Variants in TTYH3 observed in about 807,000 individuals in gnomAD.
TTYH3 encodes the protein tweety family member 3, also known as protein tweety homolog 3.
A neutral mutation model predicts 68.2 loss-of-function variants in TTYH3; 23 were observed. The observed-to-expected ratio is 0.34, with a 90% confidence interval of 0.24 to 0.48. TTYH3 has a LOEUF of 0.48. Among genes scored for constraint, TTYH3 ranks in the 20% least tolerant of loss-of-function variants. The probability of loss-of-function intolerance (pLI) is 0.99; values close to 1 mark genes in which losing one functional copy is unlikely to be tolerated. For missense variants in TTYH3, 768 were observed against 727.7 expected (o/e 1.06, Z -0.64); for synonymous variants, 360 against 332.8 (o/e 1.08, Z -0.89).
In TTYH3 at chr7:2,661,822, G is replaced by T; in HGVS notation, c.*83G>T. 1 of 1,450,052 alleles carries T rather than the reference G, an allele frequency of 6.9e-7. No homozygotes were observed. The highest frequency in any genetic ancestry group is 1.2e-5 in the South Asian group (1 of 82,628). The allele number at this position is 1,450,052 out of a possible 1,614,324, so 89.8% of individuals were successfully genotyped here. The stretch of plus-strand genomic sequence containing the variant: ...GCCGCTTCCACCTGGGCCACCCACC[G>T]GACCCTCGCACGCCGTGCCAGGCCT... On this transcript the variant is annotated 3_prime_UTR_variant, in exon 14 of 14. Transcript: ENST00000258796.
chr7:2,663,883 AGGGGTTCAAACCCCACC>A lies in TTYH3; in HGVS notation c.*2145_*2161del, dbSNP rs1451864320. 1 of 152,528 alleles carries A rather than the reference AGGGGTTCAAACCCCACC, an allele frequency of 6.6e-6. No homozygotes were observed. Among genetic ancestry groups the A allele is most frequent in the Admixed American group, 6.5e-5 (1 of 15,286 alleles). 9.4% of individuals were successfully genotyped at this position (152,528 alleles called of 1,614,324 possible). A position where few individuals can be genotyped will look rare whatever the true frequency, so the allele number is the denominator to read the frequency against. On this transcript the variant is annotated 3_prime_UTR_variant, in exon 14 of 14. Coordinates refer to ENST00000258796, the MANE Select transcript of TTYH3 (RefSeq NM_025250.3). ...AAGAAAGGAAACGGGGAAAATCAAAAGGGGTTCAAACCCCACCTCAGTAGGTGGAGGGGAGCGCCTGC... is the reference window on the plus strand; with the variant it reads ...AAGAAAGGAAACGGGGAAAATCAAAATCAGTAGGTGGAGGGGAGCGCCTGC...
At chr7:2,642,721 C>G (rs1785881072) in intron 1 of TTYH3, among the ~76,000 whole-genome samples, 1 of 149,648 alleles carries the variant, frequency 6.7e-6, no homozygotes, top group Non-Finnish European at 1.5e-5. Context: ...GAGCAAGACC[C>G]TGTCTCTAAA....
At position 2,660,575 on chromosome 7, in the gene TTYH3, C is replaced by G. The variant is rs567150489; in HGVS notation, c.1501-1093C>G. On this transcript the variant is annotated intron_variant, in intron 13 of 13. Coordinates refer to ENST00000258796, the MANE Select transcript of TTYH3 (RefSeq NM_025250.3). ...GTCCAGTCCCGCCCCGTCCCGCCCC[C>G]ATCCCCTCCCCTTGTGCTGCATGTC... 6.2e-5 allele frequency: 61 copies of G among 982,008 alleles called. No homozygotes were observed. The South Asian group carries it at 1.9e-3, about 31-fold the overall frequency. 60.8% of individuals were successfully genotyped at this position (982,008 alleles called of 1,614,324 possible).
intron 11 of TTYH3, among the ~76,000 whole-genome samples, chr7:2,657,966 C>T (rs959531107): frequency 3.3e-5 from 5 of 152,210 alleles, no homozygotes; most frequent in African/African-American, 9.6e-5. Flanking sequence ...CTTCAAGAGG[C>T]ACCCTGGCCT....
rs1305260828 is a variant in TTYH3, at chr7:2,647,525, G to A, written c.513G>A (p.Leu171=). Reference sequence around the variant, plus strand: ...AGCCCCTGCGAGCCGTACAGAGGCTGCAGGGCCTGCTGGAGACGCTGCTGG... The same window carrying A: ...AGCCCCTGCGAGCCGTACAGAGGCTACAGGGCCTGCTGGAGACGCTGCTGG... ...RPEPLRAVQR[L]QGLLETLLGY... Residue 171 remains leucine, a synonymous_variant, in exon 4 of 14, where the codon CTG becomes CTA. Transcript: ENST00000258796. 1.3e-6 allele frequency: 2 copies of A among 1,548,920 alleles called. No individual in the cohort carries two copies. Among genetic ancestry groups the A allele is most frequent in the African/African-American group, 2.7e-5 (2 of 73,158 alleles).
At chr7:2,632,316 C>T (rs1785543839) in intron 1 of TTYH3, 38 bp downstream of exon 1, 2 of 1,523,002 alleles carry the variant, frequency 1.3e-6, no homozygotes, top group East Asian at 2.4e-5. Flanking sequence ...GTCAGGGACC[C>T]CAGGTCACGG....
chr7:2,656,575 A>C, intron 11 of TTYH3, 41 bp downstream of exon 11: 2 of 1,584,634 alleles, frequency 1.3e-6, no homozygotes, highest in East Asian at 4.5e-5. Flanking sequence ...GCCCCAGGCC[A>C]CATGGCATGC....
At chr7:2,638,063 T>G (rs960918629) in intron 1 of TTYH3, among the ~76,000 whole-genome samples, 1 of 152,068 alleles carries the variant, frequency 6.6e-6, no homozygotes, top group Non-Finnish European at 1.5e-5. Context: ...ACTCCTGAAG[T>G]TCTGGGGTGC....
intron 12 of TTYH3, 123 bp downstream of exon 12, chr7:2,658,582 C>T: frequency 1.6e-6 from 2 of 1,281,906 alleles, no homozygotes; most frequent in Non-Finnish European, 2.1e-6. Context: ...GCTGGGCAGC[C>T]CTGGCCTTGA....
chr7:2,661,076 AGG>A (rs201941606), intron 13 of TTYH3, among the ~76,000 whole-genome samples: 1 of 876 alleles, frequency 1.1e-3, no homozygotes, highest in East Asian at 0.056. Flanking sequence ...CCCCCACGGG[AGG>A]GGGGGCTGCA....
At chr7:2,659,190 A>T (rs1786423407) in intron 13 of TTYH3, among the ~76,000 whole-genome samples, 175 bp downstream of exon 13, 1 of 152,086 alleles carries the variant, frequency 6.6e-6, no homozygotes, top group Non-Finnish European at 1.5e-5. Context: ...TCTCTGCAGG[A>T]CGCCTGACCT....
intron 9 of TTYH3, among the ~76,000 whole-genome samples, 191 bp from the exon 10 acceptor site, chr7:2,655,901 C>T (rs1015409318): frequency 2.0e-5 from 3 of 152,112 alleles, no homozygotes; most frequent in Non-Finnish European, 4.4e-5. Context: ...TGAGGAGGGG[C>T]CTGGGGTCAC....
At chr7:2,653,047 G>T (rs561980013) in intron 9 of TTYH3, 37 bp downstream of exon 9, 2 of 1,528,392 alleles carry the variant, frequency 1.3e-6, no homozygotes, top group South Asian at 1.2e-5. Context: ...GGCAGGCAGG[G>T]CTCCTCTTTT....
chr7:2,643,995 G>T (rs913243725), intron 1 of TTYH3, among the ~76,000 whole-genome samples: 7 of 152,172 alleles, frequency 4.6e-5, no homozygotes, highest in Admixed American at 1.3e-4. Flanking sequence ...GGTGACTCCA[G>T]CCAGGGACTG....
chr7:2,653,085 A>G, intron 9 of TTYH3, 75 bp downstream of exon 9: 1 of 1,410,772 alleles, frequency 7.1e-7, no homozygotes, highest in South Asian at 1.3e-5. Context: ...TTGTGGTGCA[A>G]ACACAGCTCA....
At position 2,645,366 on chromosome 7, in the gene TTYH3, C is replaced by T. The variant is rs1785952505; in HGVS notation, c.124-1487C>T. Among the ~76,000 whole-genome samples, 1 of 152,222 alleles carries T rather than the reference C, an allele frequency of 6.6e-6. No homozygotes were observed. Among genetic ancestry groups the T allele is most frequent in the South Asian group, 2.1e-4 (1 of 4,824 alleles). ...AATGGGGTGAGAGCACTCGGCCAGG[C>T]AGATCGAATGCAGTGCCAGGAGAAG... On this transcript the variant is annotated intron_variant, in intron 1 of 13. Coordinates refer to ENST00000258796, the MANE Select transcript of TTYH3 (RefSeq NM_025250.3). This position sits in a 1 kb window ranked among gnomAD's most constrained non-coding sequence, Gnocchi z 4.8.
rs541794435 is a variant in TTYH3, at chr7:2,662,250, C to G, written c.*511C>G. 4.8e-6 allele frequency: 1 copy of G among 207,228 alleles called. No individual in the cohort carries two copies. The highest frequency in any genetic ancestry group is 5.4e-5 in the Admixed American group (1 of 18,376). 12.8% of individuals were successfully genotyped at this position (207,228 alleles called of 1,614,324 possible). On this transcript the variant is annotated 3_prime_UTR_variant, in exon 14 of 14. Coordinates refer to ENST00000258796, the MANE Select transcript of TTYH3 (RefSeq NM_025250.3). ...GTCACCCCGTGGTCCCTCCACGTGC[C>G]CATCTCTCTGCAGTGCCCTCCTCGC...
chr7:2,632,332 T>G (rs1785544912), intron 1 of TTYH3, 54 bp downstream of exon 1: 1 of 1,471,512 alleles, frequency 6.8e-7, no homozygotes. Flanking sequence ...CACGGCCCCC[T>G]CCTCTCCCAG....
At chr7:2,661,078 G>T (rs113083052) in intron 13 of TTYH3, among the ~76,000 whole-genome samples, 2 of 106 alleles carry the variant, frequency 0.019, no homozygotes, top group Non-Finnish European at 0.031. Context: ...CCCACGGGAG[G>T]GGGGGCTGCA....
Sources: allele counts gnomAD v4.1 joint callset (sites outside exome capture counted in the v4.1 genomes callset), GRCh38; gene constraint gnomAD v4.1.1; non-coding constraint Gnocchi (gnomAD v3.1); transcripts MANE v1.5; gene names NCBI Gene and HGNC (gene_info 2026-07-23, HGNC 2026-07-21).